PTPRF: variants seen among roughly 807,000 people sequenced by gnomAD.
The protein encoded by PTPRF is protein tyrosine phosphatase receptor type F, also known as receptor-type tyrosine-protein phosphatase F.
PTPRF carries 59 observed loss-of-function variants against 201.8 expected under a neutral mutation model. That is an observed-to-expected ratio of 0.29 (90% CI 0.24 to 0.36). The LOEUF is 0.36. Ranked by LOEUF, PTPRF falls within the 10% of genes least tolerant of loss-of-function variation. The pLI is 1.00. For missense variants in PTPRF, 2,132 were observed against 2,690.5 expected (o/e 0.79, Z 4.59); for synonymous variants, 1,088 against 1,089.7 (o/e 1.00, Z 0.03).
At chr1:43,619,906 C>T in intron 29 of PTPRF, 48 bp downstream of exon 29, 1 of 1,594,856 alleles carries the variant, frequency 6.3e-7, no homozygotes. Flanking sequence ...GGGCCTAGGC[C>T]TGTGCCTGGC....
chr1:43,577,516 G>A (rs1647008062), intron 6 of PTPRF, among the ~76,000 whole-genome samples: 1 of 152,246 alleles, frequency 6.6e-6, no homozygotes, highest in Non-Finnish European at 1.5e-5. Flanking sequence ...TGCTGCCCTG[G>A]GTTAGATGGT....
chr1:43,620,715 C>A lies in PTPRF; in HGVS notation c.5365-123C>A, dbSNP rs554748995. ...GTATTAGGGTGTGAGCACATCTCCC[C>A]CTGTGGCCTCGGGTGCAGTGACACA... On this transcript the variant is annotated intron_variant, in intron 31 of 33. Coordinates refer to ENST00000359947, the MANE Select transcript of PTPRF (RefSeq NM_002840.5). The A allele has an allele frequency of 8.5e-6, 13 of 1,522,352 alleles. No homozygotes were observed. The Admixed American group carries it at 9.0e-5, about 11-fold the overall frequency. 94.3% of individuals were successfully genotyped at this position (1,522,352 alleles called of 1,614,324 possible). A position where few individuals can be genotyped will look rare whatever the true frequency, so the allele number is the denominator to read the frequency against.
At chr1:43,558,755 C>T (rs1294114028) in intron 5 of PTPRF, among the ~76,000 whole-genome samples, 3 of 152,016 alleles carry the variant, frequency 2.0e-5, no homozygotes, top group South Asian at 4.2e-4. Flanking sequence ...GGAGGGGGAG[C>T]CCTGGGGGAG....
At chr1:43,525,982 G>A (rs1282545744), upstream of PTPRF, among the ~76,000 whole-genome samples, 2 of 152,096 alleles carry the variant, frequency 1.3e-5, no homozygotes, top group Non-Finnish European at 2.9e-5. Flanking sequence ...CTGGAGAGGC[G>A]TGTGGGGCCA....
intron 6 of PTPRF, among the ~76,000 whole-genome samples, chr1:43,578,240 C>A (rs549041405): frequency 6.6e-6 from 1 of 152,186 alleles, no homozygotes; most frequent in East Asian, 1.9e-4. Context: ...ATGGGTGGGG[C>A]TGGCGGGGAG....
intron 30 of PTPRF, 104 bp from the exon 31 acceptor site, chr1:43,620,350 C>T: frequency 6.6e-7 from 1 of 1,521,716 alleles, no homozygotes; most frequent in Non-Finnish European, 8.9e-7. Flanking sequence ...CCTCAGGCGC[C>T]CGTTATTACT....
rs78034297 is a variant in PTPRF, at chr1:43,568,706, C to T, written c.380-884C>T. Reference sequence around the variant, plus strand: ...AGAGTAGATAGCCTTGCCCTGCAGCCCCTCGGGGCTGATATGGGAGCCCAT... The same window carrying T: ...AGAGTAGATAGCCTTGCCCTGCAGCTCCTCGGGGCTGATATGGGAGCCCAT... On this transcript the variant is annotated intron_variant, in intron 5 of 33. Coordinates refer to ENST00000359947, the MANE Select transcript of PTPRF (RefSeq NM_002840.5). Among the ~76,000 whole-genome samples the T allele has an allele frequency of 3.7e-3, 570 of 152,224 alleles. 9 individuals carry two copies. Among genetic ancestry groups the T allele is most frequent in the African/African-American group, 0.013 (540 of 41,520 alleles).
At position 43,620,901 on chromosome 1, in the gene PTPRF, A is replaced by G; in HGVS notation, c.5428A>G (p.Lys1810Glu). 6.2e-7 allele frequency: 1 copy of G among 1,614,234 alleles called. No individual in the cohort carries two copies. The highest frequency in any genetic ancestry group is 8.5e-7 in the Non-Finnish European group (1 of 1,180,032). ...AGACTGGCCAGAGCAGGGCGTGCCC[A>G]AGACAGGCGAGGGATTCATTGACTT... ...FTDWPEQGVPKTGEGFIDFIG... is the reference protein window; with the variant it reads ...FTDWPEQGVPETGEGFIDFIG... Residue 1810 changes from lysine to glutamate, a missense_variant, in exon 32 of 34, where the codon AAG (lysine) becomes GAG (glutamate). Transcript: ENST00000359947.
At chr1:43,604,317 T>C (rs1378386805) in intron 16 of PTPRF, 128 bp downstream of exon 16, 7 of 957,706 alleles carry the variant, frequency 7.3e-6, no homozygotes, top group Middle Eastern at 3.2e-4. Context: ...CAATCTCTCA[T>C]GACTGTGACC....
intron 20 of PTPRF, 95 bp from the exon 21 acceptor site, chr1:43,606,719 A>T: frequency 6.6e-7 from 1 of 1,503,972 alleles, no homozygotes; most frequent in Non-Finnish European, 9.0e-7. Flanking sequence ...GCCCAGGGTA[A>T]CCCAGACCCA....
In PTPRF at chr1:43,605,331, A is replaced by T; in HGVS notation, c.3277A>T (p.Ile1093Phe). ...AGGGGGCCTGCAGCACCTGGTGTCC[A>T]TCCGCACAGCCCCCGACCTCCTGCC... ...SAGGLQHLVS[I>F]RTAPDLLPHK... is the part of the protein sequence containing the mutation. Residue 1093 changes from isoleucine (I) to phenylalanine (F), a missense_variant, in exon 18 of 34, where the codon ATC (isoleucine) becomes TTC (phenylalanine). Coordinates refer to ENST00000359947, the MANE Select transcript of PTPRF (RefSeq NM_002840.5). 1 of 1,613,816 alleles carries T rather than the reference A, an allele frequency of 6.2e-7. No individual in the cohort carries two copies. The highest frequency in any genetic ancestry group is 8.5e-7 in the Non-Finnish European group (1 of 1,179,958).
chr1:43,619,455 T>C lies in PTPRF; in HGVS notation c.4814T>C (p.Leu1605Pro). The C allele has an allele frequency of 6.2e-7, 1 of 1,614,108 alleles. No homozygotes were observed. Residue 1605 changes from leucine (L) to proline (P), a missense_variant, in exon 28 of 34, where the codon CTG (leucine) becomes CCG (proline). By Grantham distance (98) the Leu-to-Pro change is moderately conservative (BLOSUM62 -3). This residue lies in a region of PTPRF where 519 missense variants were observed against 659.5 expected (regional missense o/e 0.79). Transcript: ENST00000359947. ...DQYVFIHEAL[L>P]EAATCGHTEV... ...TACGTGTTCATCCATGAGGCGCTGC[T>C]GGAGGCTGCCACGTGCGGCCACACA...
chr1:43,592,426 G>C (rs1651045666), intron 10 of PTPRF, 31 bp from the exon 11 acceptor site: 1 of 1,582,812 alleles, frequency 6.3e-7, no homozygotes, highest in African/African-American at 1.3e-5. Context: ...TGAGCTCAGA[G>C]CTGTCAGTGA....
At chr1:43,569,540 A>G (rs747796938) in intron 5 of PTPRF, 50 bp from the exon 6 acceptor site, 2 of 1,527,228 alleles carry the variant, frequency 1.3e-6, no homozygotes, top group Non-Finnish European at 8.8e-7. Flanking sequence ...GAGGGGTCAT[A>G]GGGGGCAGGC....
At chr1:43,580,665 G>A (rs554893961) in intron 7 of PTPRF, among the ~76,000 whole-genome samples, 5 of 152,322 alleles carry the variant, frequency 3.3e-5, no homozygotes, top group Non-Finnish European at 7.4e-5. Context: ...TGGGGCTGGC[G>A]AGTCCACTCC....
chr1:43,570,424 G>T (rs537167472), intron 6 of PTPRF, among the ~76,000 whole-genome samples: 25 of 152,374 alleles, frequency 1.6e-4, no homozygotes, highest in South Asian at 6.2e-4. Context: ...GGGAAAAGAG[G>T]CTCAGAATCA....
rs773121796 is a variant in PTPRF at position 43,619,156 on chromosome 1, A to G, written c.4600A>G (p.Lys1534Glu). The G allele has an allele frequency of 1.2e-6, 2 of 1,612,860 alleles. No individual in the cohort carries two copies. Among genetic ancestry groups the G allele is most frequent in the Admixed American group, 1.7e-5 (1 of 59,930 alleles). The change falls in exon 27 of 34, where the codon AAG (lysine) becomes GAG (glutamate). Residue 1534 changes from lysine to glutamate, a missense_variant. Around this residue, in one of 6 missense-constraint regions of PTPRF, gnomAD observed 519 missense variants for 659.5 expected, o/e 0.79. Coordinates refer to ENST00000359947, the MANE Select transcript of PTPRF (RefSeq NM_002840.5). ...CATCCTGGCCTTCCTACGACGGGTC[A>G]AGGCCTGCAACCCCCTAGACGCAGG... ...TPILAFLRRV[K>E]ACNPLDAGPM...
chr1:43,612,211 TG>T (rs1656612255), intron 22 of PTPRF, among the ~76,000 whole-genome samples: 1 of 151,980 alleles, frequency 6.6e-6, no homozygotes, highest in African/African-American at 2.4e-5. Context: ...CTTTGGCAGA[TG>T]GGGCCTTGAA....
intron 3 of PTPRF, among the ~76,000 whole-genome samples, chr1:43,550,348 GCCCCGCCCCA>G (rs1195298653): frequency 1.3e-5 from 2 of 152,020 alleles, no homozygotes; most frequent in Admixed American, 6.6e-5. Context: ...TGGAGCGGAG[GCCCCGCCCCA>G]CCCCGCCCCC....
Sources: allele counts gnomAD v4.1 joint callset (sites outside exome capture counted in the v4.1 genomes callset), GRCh38; gene constraint gnomAD v4.1.1; regional missense constraint gnomAD v4.1.1; transcripts MANE v1.5; gene names NCBI Gene and HGNC (gene_info 2026-07-23, HGNC 2026-07-21).